The following MAD1L1 variants were observed in gnomAD, a reference collection of about 807,000 sequenced individuals.
The protein encoded by MAD1L1 is mitotic spindle assembly checkpoint protein MAD1.
In MAD1L1, 95 loss-of-function variants were observed where a neutral mutation model predicts 96.9. That is an observed-to-expected ratio of 0.98 (90% CI 0.83 to 1.16). The LOEUF is 1.16. Among genes scored for constraint, MAD1L1 ranks in the 50% most tolerant of loss-of-function variants. MAD1L1 has a pLI of 0.00. For synonymous variants in MAD1L1, 473 were observed against 396.6 expected, an observed-to-expected ratio of 1.19 and a Z score of -2.29; for missense variants, 1,007 against 954.4, an observed-to-expected ratio of 1.06 and a Z score of -0.73.
intron 10 of MAD1L1, among the ~76,000 whole-genome samples, chr7:2,191,846 C>T (rs1791735307): frequency 6.6e-6 from 1 of 152,110 alleles, no homozygotes; most frequent in Non-Finnish European, 1.5e-5. Context: ...GCCTGGCCAA[C>T]ATGGTGAAAC....
At chr7:2,043,139 G>C (rs1443913079) in intron 12 of MAD1L1, among the ~76,000 whole-genome samples, 2 of 152,198 alleles carry the variant, frequency 1.3e-5, no homozygotes, top group African/African-American at 2.4e-5. Flanking sequence ...GTAAGGGGGG[G>C]CCTGAATGGA....
chr7:2,069,258 T>C lies in MAD1L1; in HGVS notation c.1154A>G (p.Lys385Arg). The change falls in exon 12 of 19, where the codon AAG becomes AGG. Residue 385 changes from lysine (K) to arginine (R), a missense_variant. Lys to Arg is a conservative substitution (Grantham distance 26, BLOSUM62 2). Coordinates refer to ENST00000265854, the MANE Select transcript of MAD1L1 (RefSeq NM_001013836.2). ...CAGCGCCTCGTGGGTCTCGCGCTTC[T>C]TCCTCTCCTCCAACAGCTGGCCGCT... ...QVSGQLLEER[K>R]KRETHEALAR... 6.2e-7 allele frequency: 1 copy of C among 1,612,124 alleles called. No homozygotes were observed. Among genetic ancestry groups the C allele is most frequent in the Non-Finnish European group, 8.5e-7 (1 of 1,179,626 alleles).
At chr7:2,050,484 T>C (rs915244875) in intron 12 of MAD1L1, among the ~76,000 whole-genome samples, 4 of 152,202 alleles carry the variant, frequency 2.6e-5, no homozygotes, top group Non-Finnish European at 4.4e-5. Context: ...TTGACCTTTC[T>C]GGCAGCTCCG....
rs566984140 is a variant in MAD1L1, at chr7:1,982,202, A to T, written c.1417-1661T>A. ...TTTTTCACTATATATATAAAATATA[A>T]AAATATATACATAAATATACATATA... On this transcript the variant is annotated intron_variant, in intron 14 of 18. Coordinates refer to ENST00000265854, the MANE Select transcript of MAD1L1 (RefSeq NM_001013836.2). Among the ~76,000 whole-genome samples, 11 of 151,568 alleles carry T rather than the reference A, an allele frequency of 7.3e-5. No homozygotes were observed. The East Asian group carries it at 2.1e-3, about 29-fold the overall frequency.
At chr7:1,922,678 G>C (rs1476609110) in intron 17 of MAD1L1, among the ~76,000 whole-genome samples, 1 of 152,244 alleles carries the variant, frequency 6.6e-6, no homozygotes, top group Non-Finnish European at 1.5e-5. Context: ...CATGGACCAA[G>C]GCGGTGAGAG....
chr7:2,091,964 T>C (rs1562678342), intron 11 of MAD1L1, among the ~76,000 whole-genome samples: 1 of 152,224 alleles, frequency 6.6e-6, no homozygotes, highest in Non-Finnish European at 1.5e-5. Flanking sequence ...CATTCAGGTC[T>C]CTGTGTGGAC....
intron 17 of MAD1L1, among the ~76,000 whole-genome samples, chr7:1,933,556 T>C (rs1163518773): frequency 1.3e-5 from 2 of 152,222 alleles, no homozygotes; most frequent in South Asian, 2.1e-4. Context: ...ATCCGCGTGG[T>C]CTGTAGGGCT....
At chr7:1,935,952 C>A (rs930219692) in intron 17 of MAD1L1, among the ~76,000 whole-genome samples, 2 of 152,226 alleles carry the variant, frequency 1.3e-5, no homozygotes, top group Non-Finnish European at 2.9e-5. Context: ...CAGGTCCCCC[C>A]AGAACCAGGA....
chr7:2,225,259 G>C, intron 4 of MAD1L1, 151 bp downstream of exon 4: 1 of 423,518 alleles, frequency 2.4e-6, no homozygotes, highest in Non-Finnish European at 3.9e-6. Context: ...CAGGGACTGG[G>C]ATCTGATTTC....
chr7:1,888,524 G>A (rs1022963965), intron 18 of MAD1L1, among the ~76,000 whole-genome samples: 10 of 135,586 alleles, frequency 7.4e-5, no homozygotes, highest in African/African-American at 2.0e-4. Flanking sequence ...GTGTGCATGC[G>A]TGTGTGGTTG....
intron 10 of MAD1L1, among the ~76,000 whole-genome samples, chr7:2,153,806 G>C (rs1021066140): frequency 6.6e-6 from 1 of 152,202 alleles, no homozygotes; most frequent in African/African-American, 2.4e-5. Flanking sequence ...ATCGACAGAC[G>C]AATGGATAAA....
chr7:1,938,556 C>G (rs1336811170), intron 16 of MAD1L1, among the ~76,000 whole-genome samples: 2 of 151,918 alleles, frequency 1.3e-5, no homozygotes, highest in Non-Finnish European at 2.9e-5. Flanking sequence ...ACGAAGAAGT[C>G]AGAAATAACC....
At chr7:2,015,936 G>A (rs1419986751) in intron 12 of MAD1L1, among the ~76,000 whole-genome samples, 1 of 152,218 alleles carries the variant, frequency 6.6e-6, no homozygotes, top group Non-Finnish European at 1.5e-5. Context: ...TTGAGAGATG[G>A]AGGATGAGGA....
chr7:1,906,047 C>T (rs1215409635), intron 17 of MAD1L1, among the ~76,000 whole-genome samples: 1 of 72,542 alleles, frequency 1.4e-5, no homozygotes, highest in Non-Finnish European at 2.6e-5. Flanking sequence ...AAGACTCCAT[C>T]TCAAAAAAAA....
chr7:1,867,510 C>T (rs1055358424), intron 18 of MAD1L1, among the ~76,000 whole-genome samples: 4 of 152,246 alleles, frequency 2.6e-5, no homozygotes, highest in African/African-American at 7.2e-5. Flanking sequence ...GAGTGCAAAG[C>T]GGGCCATGCA....
At position 2,216,140 on chromosome 7, in the gene MAD1L1, C is replaced by T. The variant is rs777578888; in HGVS notation, c.809+17G>A. 3 of 1,610,496 alleles carry T rather than the reference C, an allele frequency of 1.9e-6. No homozygotes were observed. The highest frequency in any genetic ancestry group is 4.5e-5 in the East Asian group (2 of 44,870). ...GACTCACTCGAGGCGGCTGCCCCAT[C>T]CCCCGCAACCCCTCACCGCAGGTGC... On this transcript the variant is annotated intron_variant, in intron 8 of 18. Transcript: ENST00000265854.
At chr7:2,180,216 G>A (rs56278027) in intron 10 of MAD1L1, among the ~76,000 whole-genome samples, 5,360 of 152,288 alleles carry the variant, frequency 0.035, 120 homozygotes, top group South Asian at 0.073. Flanking sequence ...GCACAGGCTC[G>A]GAAAGGCCTG....
At chr7:2,166,945 C>T (rs1443587060) in intron 10 of MAD1L1, among the ~76,000 whole-genome samples, 2 of 152,198 alleles carry the variant, frequency 1.3e-5, no homozygotes, top group South Asian at 2.1e-4. Context: ...GGAAGGGCCC[C>T]GGGCTGCTGG....
chr7:1,982,740 C>T (rs1056548041), intron 14 of MAD1L1, among the ~76,000 whole-genome samples: 2 of 152,130 alleles, frequency 1.3e-5, no homozygotes, highest in Non-Finnish European at 2.9e-5. Context: ...CAGAATAATA[C>T]GAAATCACAG....
Sources: gnomAD v4.1 joint callset for allele counts (sites outside exome capture counted in the v4.1 genomes callset) on GRCh38, gnomAD v4.1.1 for gene constraint, MANE v1.5 for transcripts, NCBI Gene and HGNC (gene_info 2026-07-23, HGNC 2026-07-21) for gene names.